The following ASXL1 variants were observed in gnomAD, a reference collection of about 807,000 sequenced individuals.
The protein encoded by ASXL1 is ASXL transcriptional regulator 1.
A neutral mutation model predicts 89.1 loss-of-function variants in ASXL1; 65 were observed. The ratio of observed to expected loss-of-function variants is 0.73; its 90% CI spans 0.60 to 0.90. ASXL1 has a LOEUF of 0.90. ASXL1 is among the 40% of genes least tolerant of loss of function. The pLI is 0.00. For missense variants in ASXL1, 1,786 were observed against 1,942.9 expected (o/e 0.92, Z 1.52); for synonymous variants, 739 against 746.9 (o/e 0.99, Z 0.17).
intron 1 of ASXL1, chr20:32,359,384 G>A (rs774496712): frequency 2.8e-6 from 2 of 702,474 alleles, no homozygotes; most frequent in East Asian, 5.4e-5. Context: ...CCTGAGCAGC[G>A]GTTCTCTAAC....
intron 4 of ASXL1, among the ~76,000 whole-genome samples, chr20:32,372,896 A>G (rs1215506619): frequency 1.4e-5 from 2 of 143,194 alleles, no homozygotes; most frequent in South Asian, 4.4e-4. Flanking sequence ...CCCAGCCTTC[A>G]TTATTCTTTT....
intron 4 of ASXL1, among the ~76,000 whole-genome samples, chr20:32,395,823 G>T (rs1448004524): frequency 6.6e-6 from 1 of 151,874 alleles, no homozygotes; most frequent in African/African-American, 2.4e-5. Flanking sequence ...TTTTGAGACG[G>T]AGTCTCATTC....
Position 32,436,832 on chromosome 20 carries a change from G to A in ASXL1, c.4120G>A (p.Val1374Met), listed in dbSNP as rs1174240695. Residue 1374 changes from valine (V) to methionine (M), a missense_variant, in exon 13 of 13, where the codon GTG becomes ATG. This residue lies in a region of ASXL1 where 1,418 missense variants were observed against 1,427.8 expected (regional missense o/e 0.99). Coordinates refer to ENST00000375687, the MANE Select transcript of ASXL1 (RefSeq NM_015338.6). ...VGSVKNEKTF[V>M]GGPLKANAEN... ...CAGCGTCAAGAATGAGAAGACTTTT[G>A]TGGGGGGTCCTCTTAAGGCAAATGC... 7 of 1,614,192 alleles carry A rather than the reference G, an allele frequency of 4.3e-6. No individual in the cohort carries two copies. Among genetic ancestry groups the A allele is most frequent in the Non-Finnish European group, 5.9e-6 (7 of 1,180,036 alleles).
chr20:32,359,100 C>T (rs1212577025), intron 1 of ASXL1: 11 of 596,944 alleles, frequency 1.8e-5, no homozygotes, highest in African/African-American at 3.7e-5. Flanking sequence ...CAGGCCGGCT[C>T]CTCCCACTCT....
chr20:32,436,520 A>G lies in ASXL1; in HGVS notation c.3808A>G (p.Arg1270Gly), dbSNP rs776674404. 4 of 1,614,246 alleles carry G rather than the reference A, an allele frequency of 2.5e-6. No individual in the cohort carries two copies. The highest frequency in any genetic ancestry group is 3.4e-6 in the Non-Finnish European group (4 of 1,180,048). Residue 1270 changes from arginine (R) to glycine (G), a missense_variant, in exon 13 of 13, where the codon AGA (arginine) becomes GGA (glycine). This residue lies in a region of ASXL1 where 1,418 missense variants were observed against 1,427.8 expected (regional missense o/e 0.99). Transcript: ENST00000375687. ...GAGCCCAGGAGATCTTACTACCTCG[A>G]GAACACCTCGTTTCTCATCTCCAAA... ...GKSPGDLTTS[R>G]TPRFSSPNVI...
At position 32,435,020 on chromosome 20, in the gene ASXL1, T is replaced by C; in HGVS notation, c.2308T>C (p.Ser770Pro). Residue 770 changes from serine to proline, a missense_variant, in exon 13 of 13, where the codon TCA becomes CCA. Coordinates refer to ENST00000375687, the MANE Select transcript of ASXL1 (RefSeq NM_015338.6). ...CTTGCCCCTACTGTCCTCCCAAACC[T>C]CAGTAGCTGAGAGATTAGTGGAGCA... Reference protein sequence around the residue: ...QALPLLSSQTSVAERLVEQPQ... With the variant: ...QALPLLSSQTPVAERLVEQPQ... 6.2e-7 allele frequency: 1 copy of C among 1,614,022 alleles called. No individual in the cohort carries two copies. Among genetic ancestry groups the C allele is most frequent in the Non-Finnish European group, 8.5e-7 (1 of 1,180,004 alleles).
chr20:32,382,720 C>T (rs1450642958), intron 4 of ASXL1, among the ~76,000 whole-genome samples: 2 of 151,776 alleles, frequency 1.3e-5, no homozygotes, highest in East Asian at 1.9e-4. Flanking sequence ...TGGGAAGTTG[C>T]GACTGCAGTG....
In ASXL1 at chr20:32,434,954, C is replaced by G; in HGVS notation, c.2242C>G (p.Gln748Glu). 2 of 1,614,156 alleles carry G rather than the reference C, an allele frequency of 1.2e-6. No homozygotes were observed. The highest frequency in any genetic ancestry group is 1.3e-5 in the African/African-American group (1 of 75,046). ...GLTDGLGDAS[Q>E]LPVAPTGDQP... is the part of the protein sequence containing the mutation. ...CACAGATGGGCTAGGAGATGCCTCC[C>G]AACTCCCCGTTGCTCCCACTGGGGA... is the stretch of plus-strand genomic sequence containing the variant. The change falls in exon 13 of 13, where the codon CAA (glutamine) becomes GAA (glutamate). Residue 748 changes from glutamine (Q) to glutamate (E), a missense_variant. Transcript: ENST00000375687.
At chr20:32,363,630 T>C (rs1326191087) in intron 1 of ASXL1, among the ~76,000 whole-genome samples, 3 of 152,222 alleles carry the variant, frequency 2.0e-5, no homozygotes, top group Non-Finnish European at 4.4e-5. Context: ...TTGTATGTGT[T>C]ATGAAACAAT....
chr20:32,425,622 T>C (rs1422088155), intron 4 of ASXL1, among the ~76,000 whole-genome samples: 1 of 152,198 alleles, frequency 6.6e-6, no homozygotes, highest in Non-Finnish European at 1.5e-5. Context: ...TTTTGGCTAC[T>C]TCAGTATCCT....
chr20:32,432,434 C>T (rs2011546909), intron 10 of ASXL1: 1 of 198,658 alleles, frequency 5.0e-6, no homozygotes, highest in East Asian at 1.3e-4. Context: ...TCCAGATTCC[C>T]AAAAGGAAGG....
At chr20:32,390,928 C>G (rs2122988281) in intron 4 of ASXL1, among the ~76,000 whole-genome samples, 1 of 152,164 alleles carries the variant, frequency 6.6e-6, no homozygotes, top group South Asian at 2.1e-4. Context: ...CAAGGTCTTG[C>G]TCTGTCACCC....
At chr20:32,386,944 A>G (rs1044192924) in intron 4 of ASXL1, among the ~76,000 whole-genome samples, 1 of 152,042 alleles carries the variant, frequency 6.6e-6, no homozygotes, top group Non-Finnish European at 1.5e-5. Flanking sequence ...CAGTTTTTCC[A>G]GCTGGTGCGT....
intron 4 of ASXL1, chr20:32,372,261 T>C: frequency 1.6e-6 from 2 of 1,285,814 alleles, no homozygotes; most frequent in Non-Finnish European, 2.0e-6. Flanking sequence ...AGTGGTCTGT[T>C]AGTCTACAGC....
chr20:32,430,951 A>G, intron 8 of ASXL1: 1 of 462,060 alleles, frequency 2.2e-6, no homozygotes, highest in Non-Finnish European at 4.0e-6. Context: ...TATACTAACT[A>G]GATTTACTTT....
intron 4 of ASXL1, among the ~76,000 whole-genome samples, chr20:32,401,923 TAAA>T (rs1211252215): frequency 1.3e-5 from 2 of 152,258 alleles, no homozygotes; most frequent in East Asian, 1.9e-4. Context: ...TTAACAATAA[TAAA>T]AAATTATAAC....
chr20:32,368,798 G>A (rs1034690898), intron 3 of ASXL1, among the ~76,000 whole-genome samples: 1 of 152,130 alleles, frequency 6.6e-6, no homozygotes, highest in South Asian at 2.1e-4. Context: ...TGGATTTCGG[G>A]TATCACATAA....
chr20:32,423,800 T>A (rs1417788677), intron 4 of ASXL1, among the ~76,000 whole-genome samples: 4 of 152,144 alleles, frequency 2.6e-5, no homozygotes, highest in Admixed American at 2.6e-4. Context: ...CTGCCTGGCT[T>A]GGCCTCCCAA....
At chr20:32,379,204 A>G (rs2048444070) in intron 4 of ASXL1, among the ~76,000 whole-genome samples, 2 of 54,194 alleles carry the variant, frequency 3.7e-5, no homozygotes, top group Non-Finnish European at 6.2e-5. Context: ...TTTTTTTTTG[A>G]GACAGAGTCT....
Sources: gnomAD v4.1 joint callset for allele counts (sites outside exome capture counted in the v4.1 genomes callset) on GRCh38, gnomAD v4.1.1 for gene constraint, gnomAD v4.1.1 regional missense constraint, MANE v1.5 for transcripts, NCBI Gene and HGNC (gene_info 2026-07-23, HGNC 2026-07-21) for gene names.